Variants in SLIT1 observed in about 807,000 individuals in gnomAD.
The protein encoded by SLIT1 is slit homolog 1 protein.
In SLIT1, 66 loss-of-function variants were observed where a neutral mutation model predicts 186.1. The ratio of observed to expected loss-of-function variants is 0.35; its 90% CI spans 0.29 to 0.44. SLIT1 has a LOEUF of 0.44. Among genes scored for constraint, SLIT1 ranks in the 20% least tolerant of loss-of-function variants. The probability of loss-of-function intolerance (pLI) is 1.00; values close to 1 mark genes in which losing one functional copy is unlikely to be tolerated. For synonymous variants in SLIT1, 761 were observed against 833.8 expected (o/e 0.91, Z 1.50); for missense variants, 1,638 against 2,037.4 (o/e 0.80, Z 3.77).
At chr10:97,088,364 C>G (rs1849190371) in intron 4 of SLIT1, among the ~76,000 whole-genome samples, 1 of 152,154 alleles carries the variant, frequency 6.6e-6, no homozygotes, top group Non-Finnish European at 1.5e-5. Flanking sequence ...CTGATGCTAA[C>G]TAGGTGTTGA....
At chr10:97,052,268 T>C (rs1325439960) in intron 13 of SLIT1, among the ~76,000 whole-genome samples, 1 of 151,976 alleles carries the variant, frequency 6.6e-6, no homozygotes, top group African/African-American at 2.4e-5. Flanking sequence ...GGCTAATTTT[T>C]AAGAATTTTG....
rs569909992 is a variant in SLIT1 at position 97,048,230 on chromosome 10, G to A, written c.1466-234C>T. Among the ~76,000 whole-genome samples the A allele has an allele frequency of 7.0e-4, 106 of 152,268 alleles. 1 individual carries two copies. Among genetic ancestry groups the A allele is most frequent in the South Asian group, 3.7e-3 (18 of 4,822 alleles). On this transcript the variant is annotated intron_variant, in intron 14 of 36. Transcript: ENST00000266058. The stretch of plus-strand genomic sequence containing the variant: ...TCTCGCAAGGAGTGCCAAAACCATC[G>A]AGCTCTCACTCGCAATGGCACGAGG...
At chr10:97,088,110 C>T (rs1251144257) in intron 4 of SLIT1, among the ~76,000 whole-genome samples, 2 of 152,124 alleles carry the variant, frequency 1.3e-5, no homozygotes, top group Non-Finnish European at 2.9e-5. Context: ...TTGCCTGGAC[C>T]CACCCCAGAG....
At chr10:97,046,536 C>A in intron 18 of SLIT1, 118 bp downstream of exon 18, 1 of 1,041,080 alleles carries the variant, frequency 9.6e-7, no homozygotes, top group Non-Finnish European at 1.4e-6. Flanking sequence ...TCAGTTCTCC[C>A]CACCCTCCTG....
Position 97,022,095 on chromosome 10 carries a change from A to T in SLIT1, c.2583-682T>A, listed in dbSNP as rs1203649719. On this transcript the variant is annotated intron_variant, in intron 25 of 36. Transcript: ENST00000266058. This position sits in a 1 kb window ranked among gnomAD's most constrained non-coding sequence, Gnocchi z 4.2. Reference sequence around the variant, plus strand: ...GCAACCCACATCGACTGCTGCAATGAGACAGCTGCTTTTCCTGTGTTTGGG... The same window carrying T: ...GCAACCCACATCGACTGCTGCAATGTGACAGCTGCTTTTCCTGTGTTTGGG... Among the ~76,000 whole-genome samples the T allele has an allele frequency of 6.6e-6, 1 of 152,146 alleles. No homozygotes were observed. The highest frequency in any genetic ancestry group is 2.4e-5 in the African/African-American group (1 of 41,426).
At chr10:97,052,739 G>A (rs756476855) in intron 13 of SLIT1, among the ~76,000 whole-genome samples, 4 of 152,060 alleles carry the variant, frequency 2.6e-5, no homozygotes, top group Non-Finnish European at 5.9e-5. Context: ...TTGGAGCTAC[G>A]GACAAATCAA....
intron 3 of SLIT1, among the ~76,000 whole-genome samples, chr10:97,159,513 C>T (rs1849998083): frequency 4.6e-5 from 7 of 152,110 alleles, no homozygotes. Flanking sequence ...GTTTTGTTTT[C>T]CCCCAAGACT....
chr10:97,032,907 G>A (rs1479354839), intron 23 of SLIT1, among the ~76,000 whole-genome samples: 9 of 152,148 alleles, frequency 5.9e-5, no homozygotes, highest in East Asian at 1.9e-4. Flanking sequence ...AAGCAAAAAC[G>A]ACTTTCTCCA....
At position 97,043,501 on chromosome 10, in the gene SLIT1, G is replaced by C. The variant is rs1351449590; in HGVS notation, c.1866C>G (p.Asn622Lys). 6 of 1,613,378 alleles carry C rather than the reference G, an allele frequency of 3.7e-6. No individual in the cohort carries two copies. The African/African-American group carries it at 4.0e-5, about 11-fold the overall frequency. ...CGTTGTGGATGCAGCTGATGCGGTT[G>C]TTCCGCAGCATTCTGGGGAGGAACG... ...LDGLRTLMLRNNRISCIHNDS... is the reference protein window; with the variant it reads ...LDGLRTLMLRKNRISCIHNDS... The change falls in exon 19 of 37, where the codon AAC becomes AAG. Residue 622 changes from asparagine (N) to lysine (K), a missense_variant. Asn to Lys is a moderately conservative substitution (Grantham distance 94, BLOSUM62 0). This residue lies in a region of SLIT1 where 1,245 missense variants were observed against 1,535.3 expected (regional missense o/e 0.81). Transcript: ENST00000266058. This position sits in a 1 kb window ranked among gnomAD's most constrained non-coding sequence, Gnocchi z 7.0.
rs187625759 is a variant in SLIT1 at position 97,006,437 on chromosome 10, G to T, written c.3579+46C>A. 2.9e-6 allele frequency: 4 copies of T among 1,389,690 alleles called. No homozygotes were observed. In the African/African-American group the frequency reaches 5.7e-5, roughly 20 times the overall value. 86.1% of individuals were successfully genotyped at this position (1,389,690 alleles called of 1,614,324 possible). On this transcript the variant is annotated intron_variant, in intron 32 of 36. Transcript: ENST00000266058. The surrounding 1 kb of genome is among the most constrained non-coding windows in gnomAD (Gnocchi z 4.0). Reference sequence around the variant, plus strand: ...TGATGCTCTGGCCTAAGCCAGGGTCGCCTGCTCCCTGACTCCCCTCTGTGA... The same window carrying T: ...TGATGCTCTGGCCTAAGCCAGGGTCTCCTGCTCCCTGACTCCCCTCTGTGA...
Position 97,013,731 on chromosome 10 carries a change from C to T in SLIT1, c.3203+10G>A. 1 of 1,548,284 alleles carries T rather than the reference C, an allele frequency of 6.5e-7. No individual in the cohort carries two copies. Among genetic ancestry groups the T allele is most frequent in the Non-Finnish European group, 8.7e-7 (1 of 1,144,026 alleles). ...GCTCCTCCCTGGCCCTGGAAAGGGG[C>T]AACACTCACCTGGGCCCATCCGGGG... On this transcript the variant is annotated intron_variant, in intron 30 of 36. Coordinates refer to ENST00000266058, the MANE Select transcript of SLIT1 (RefSeq NM_003061.3).
chr10:97,105,397 A>T (rs998293218), intron 4 of SLIT1, among the ~76,000 whole-genome samples: 1 of 152,208 alleles, frequency 6.6e-6, no homozygotes, highest in Non-Finnish European at 1.5e-5. Flanking sequence ...CACCTTGCAC[A>T]CATAAATGAG....
chr10:97,004,905 C>G lies in SLIT1; in HGVS notation c.3580-82G>C. On this transcript the variant is annotated intron_variant, in intron 32 of 36. Coordinates refer to ENST00000266058, the MANE Select transcript of SLIT1 (RefSeq NM_003061.3). The surrounding 1 kb of genome is among the most constrained non-coding windows in gnomAD (Gnocchi z 5.1). ...TAGCAGATGGGGCAGAGAGGGCACC[C>G]AAGATTGGAAGAGAGATGCTCTGTG... is the stretch of plus-strand genomic sequence containing the variant. The G allele has an allele frequency of 6.5e-7, 1 of 1,534,660 alleles. No homozygotes were observed. The highest frequency in any genetic ancestry group is 9.0e-7 in the Non-Finnish European group (1 of 1,114,264).
chr10:97,112,985 C>T (rs528061645), intron 4 of SLIT1, among the ~76,000 whole-genome samples: 1 of 151,872 alleles, frequency 6.6e-6, no homozygotes, highest in Non-Finnish European at 1.5e-5. Flanking sequence ...TGAGCCACCA[C>T]GTCCAGTTAT....
At position 97,022,889 on chromosome 10, in the gene SLIT1, A is replaced by T. The variant is rs1168426837; in HGVS notation, c.2583-1476T>A. ...TGAGCAGCTTGCTCCTTGTCACTAAACAGCACGTCTTGGGAATCTTCCTGG... is the reference window on the plus strand; with the variant it reads ...TGAGCAGCTTGCTCCTTGTCACTAATCAGCACGTCTTGGGAATCTTCCTGG... On this transcript the variant is annotated intron_variant, in intron 25 of 36. Coordinates refer to ENST00000266058, the MANE Select transcript of SLIT1 (RefSeq NM_003061.3). The surrounding 1 kb of genome is among the most constrained non-coding windows in gnomAD (Gnocchi z 4.2). 6.6e-6 allele frequency among the ~76,000 whole-genome samples: 1 copy of T among 152,168 alleles called. No individual in the cohort carries two copies. Among genetic ancestry groups the T allele is most frequent in the Non-Finnish European group, 1.5e-5 (1 of 68,034 alleles).
At chr10:97,005,573 G>T (rs767171133) in intron 32 of SLIT1, among the ~76,000 whole-genome samples, 1 of 152,228 alleles carries the variant, frequency 6.6e-6, no homozygotes, top group African/African-American at 2.4e-5. Flanking sequence ...TGAGCTGACC[G>T]AATTAGAGCT....
chr10:97,140,207 G>A (rs1002521569), intron 4 of SLIT1, among the ~76,000 whole-genome samples: 12 of 152,040 alleles, frequency 7.9e-5, no homozygotes, highest in Non-Finnish European at 1.5e-4. Flanking sequence ...ATGTGCCAGC[G>A]TTCCTCGTAC....
intron 4 of SLIT1, among the ~76,000 whole-genome samples, chr10:97,142,540 G>C (rs11189011): frequency 6.6e-6 from 1 of 151,974 alleles, no homozygotes; most frequent in Non-Finnish European, 1.5e-5. Flanking sequence ...TAAGGGGAAA[G>C]CTTCATGACA....
At chr10:97,030,154 T>C (rs1020512399) in intron 25 of SLIT1, among the ~76,000 whole-genome samples, 8 of 152,244 alleles carry the variant, frequency 5.3e-5, no homozygotes, top group African/African-American at 1.9e-4. Context: ...TGCTGGGTTA[T>C]ACAGTAATCC....
Sources: allele counts gnomAD v4.1 joint callset (sites outside exome capture counted in the v4.1 genomes callset), GRCh38; gene constraint gnomAD v4.1.1; regional missense constraint gnomAD v4.1.1; non-coding constraint Gnocchi (gnomAD v3.1); transcripts MANE v1.5; gene names NCBI Gene and HGNC (gene_info 2026-07-23, HGNC 2026-07-21).